The following PDE4A variants were observed in gnomAD, a reference collection of about 807,000 sequenced individuals.
PDE4A encodes the protein phosphodiesterase 4A.
In PDE4A, 21 loss-of-function variants were observed where a neutral mutation model predicts 73.9. That is an observed-to-expected ratio of 0.28 (90% confidence interval 0.20 to 0.41). PDE4A has a LOEUF of 0.41. Ranked by LOEUF, PDE4A falls within the 10% of genes least tolerant of loss-of-function variation. PDE4A has a pLI of 1.00. For synonymous variants in PDE4A, 463 were observed against 505.4 expected, an observed-to-expected ratio of 0.92 and a Z score of 1.13; for missense variants, 958 against 1,211.4, an observed-to-expected ratio of 0.79 and a Z score of 3.10.
rs1355743575 is a variant in PDE4A at position 10,457,862 on chromosome 19, C to T, written c.878-17C>T. 6.2e-7 allele frequency: 1 copy of T among 1,611,928 alleles called. No individual in the cohort carries two copies. ...GAAGGGTTGTTCACACTTGTTCCTG[C>T]TCCCCATCTTCTGCAGACAAACAGA... On this transcript the variant is annotated splice_polypyrimidine_tract_variant and intron_variant, in intron 7 of 14. Coordinates refer to ENST00000380702, the MANE Select transcript of PDE4A (RefSeq NM_001111307.2).
At chr19:10,438,296 A>G (rs375524292) in intron 1 of PDE4A, among the ~76,000 whole-genome samples, 46 of 151,898 alleles carry the variant, frequency 3.0e-4, no homozygotes, top group African/African-American at 8.7e-4. Flanking sequence ...TATTTTTATT[A>G]GAGACGGGGT....
Position 10,467,437 on chromosome 19 carries a change from C to T in PDE4A, c.2477C>T (p.Thr826Ile). The T allele has an allele frequency of 6.2e-7, 1 of 1,613,716 alleles. No individual in the cohort carries two copies. Among genetic ancestry groups the T allele is most frequent in the South Asian group, 1.1e-5 (1 of 91,070 alleles). Residue 826 changes from threonine (T) to isoleucine (I), a missense_variant, in exon 15 of 15, where the codon ACC becomes ATC. Physicochemically the swap from Thr to Ile is moderately conservative, Grantham distance 89. Around this residue, in one of 3 missense-constraint regions of PDE4A, gnomAD observed 243 missense variants for 245.9 expected, o/e 0.99. Transcript: ENST00000380702. ...LQSPLLPAWR[T>I]LSVSEHAPGL... ...AGCCCCCTTCTCCCTGCTTGGAGGA[C>T]CCTGTCTGTTTCAGAGCATGCCCCG...
At position 10,461,108 on chromosome 19, in the gene PDE4A, G is replaced by A; in HGVS notation, c.1465+5G>A. The A allele has an allele frequency of 1.2e-6, 2 of 1,607,952 alleles. No homozygotes were observed. Among genetic ancestry groups the A allele is most frequent in the Non-Finnish European group, 1.7e-6 (2 of 1,175,178 alleles). On this transcript the variant is annotated splice_donor_5th_base_variant and intron_variant, in intron 11 of 14. Transcript: ENST00000380702. ...ACCAGTTCCTCATCAACACCAGTGA[G>A]TGGCCCTCGCCAGGGGCGGGGTTTG...
intron 1 of PDE4A, among the ~76,000 whole-genome samples, chr19:10,433,607 G>A (rs2042823753): frequency 6.6e-6 from 1 of 152,168 alleles, no homozygotes; most frequent in South Asian, 2.1e-4. Context: ...ACAGGCAGAT[G>A]TGCGATGCCA....
At chr19:10,417,956 A>G, upstream of PDE4A, 1 of 1,401,724 alleles carries the variant, frequency 7.1e-7, no homozygotes, top group Non-Finnish European at 9.6e-7. Flanking sequence ...CCCGATCTCC[A>G]TGCTCCCTGC....
intron 1 of PDE4A, among the ~76,000 whole-genome samples, chr19:10,433,941 A>G (rs542489696): frequency 6.6e-6 from 1 of 151,656 alleles, no homozygotes; most frequent in South Asian, 2.1e-4. Flanking sequence ...GTTCAAATCC[A>G]CATTCTAGGC....
At chr19:10,416,991 G>A, upstream of PDE4A, 1 of 1,539,742 alleles carries the variant, frequency 6.5e-7, no homozygotes, top group Non-Finnish European at 8.7e-7. Flanking sequence ...CGGGGACGAG[G>A]TGCGAGAGGA....
At chr19:10,446,077 A>ATTCACCCCC (rs779984307) in intron 1 of PDE4A, 141 bp from the exon 2 acceptor site, 74 of 1,300,422 alleles carry the variant, frequency 5.7e-5, no homozygotes, top group Non-Finnish European at 6.6e-5. Flanking sequence ...ACCTCAAGTG[A>ATTCACCCCC]TTCACCCCCA....
In PDE4A at chr19:10,461,512, G is replaced by A. The variant is rs769578488; in HGVS notation, c.1466-14G>A. ...ACACGTGGGCCCTCCCCTGACCTCC[G>A]GGCTGGGCTGCAGATTCGGAGCTGG... On this transcript the variant is annotated splice_polypyrimidine_tract_variant and intron_variant, in intron 11 of 14. Coordinates refer to ENST00000380702, the MANE Select transcript of PDE4A (RefSeq NM_001111307.2). The A allele has an allele frequency of 1.2e-6, 2 of 1,613,142 alleles. No individual in the cohort carries two copies. Among genetic ancestry groups the A allele is most frequent in the South Asian group, 1.1e-5 (1 of 91,048 alleles).
rs1425590017 is a variant in PDE4A at position 10,424,671 on chromosome 19, G to C, written c.320+3587G>C. ...CCGGCTGACCGCAGGCTGCGTGTGG[G>C]GTCCTCGCCCTCCCGGGCTTGGGAC... On this transcript the variant is annotated intron_variant, in intron 1 of 14. Transcript: ENST00000380702. This position sits in a 1 kb window ranked among gnomAD's most constrained non-coding sequence, Gnocchi z 4.8. Among the ~76,000 whole-genome samples, 1 of 152,258 alleles carries C rather than the reference G, an allele frequency of 6.6e-6. No homozygotes were observed. The highest frequency in any genetic ancestry group is 2.4e-5 in the African/African-American group (1 of 41,466).
At chr19:10,462,078 T>G (rs2043282815) in intron 13 of PDE4A, 79 bp downstream of exon 13, 2 of 1,148,766 alleles carry the variant, frequency 1.7e-6, no homozygotes, top group African/African-American at 1.6e-5. Flanking sequence ...TAACTGCCCC[T>G]TCCTCAGCCT....
At chr19:10,438,006 G>A (rs2042887824) in intron 1 of PDE4A, among the ~76,000 whole-genome samples, 1 of 151,512 alleles carries the variant, frequency 6.6e-6, no homozygotes, top group South Asian at 2.1e-4. Context: ...ATAGGGCCTT[G>A]CCATGTTTCC....
At chr19:10,461,246 GA>G in intron 11 of PDE4A, 143 bp downstream of exon 11, 1 of 1,052,674 alleles carries the variant, frequency 9.5e-7, no homozygotes, top group Non-Finnish European at 1.3e-6. Context: ...GGCCGGGCAG[GA>G]GGCGGGGCTG....
At chr19:10,460,562 C>T (rs758465125) in intron 10 of PDE4A, among the ~76,000 whole-genome samples, 2 of 151,664 alleles carry the variant, frequency 1.3e-5, no homozygotes, top group African/African-American at 2.4e-5. Context: ...AATCCCAGTA[C>T]TTTGGGAGGC....
At chr19:10,417,353 G>C (rs533017006), upstream of PDE4A, 12 of 985,304 alleles carry the variant, frequency 1.2e-5, no homozygotes, top group Admixed American at 4.9e-4. Context: ...GTTGGGAAGA[G>C]ACCCTAAAAA....
upstream of PDE4A, chr19:10,417,420 C>T (rs1156629432): frequency 1.0e-6 from 1 of 985,010 alleles, no homozygotes. Context: ...GTGACAGACC[C>T]CAAGGCTGGG....
intron 1 of PDE4A, among the ~76,000 whole-genome samples, chr19:10,443,369 A>AC (rs1335078414): frequency 4.0e-5 from 6 of 149,086 alleles, no homozygotes. Context: ...ACATGGCGAG[A>AC]CCCCATCTCT....
intron 6 of PDE4A, chr19:10,452,804 C>T: frequency 4.8e-6 from 1 of 206,384 alleles, no homozygotes; most frequent in Non-Finnish European, 8.7e-6. Flanking sequence ...GGGATGGGTC[C>T]TGATGGGGAC....
chr19:10,465,377 C>T (rs533338193), intron 14 of PDE4A, among the ~76,000 whole-genome samples: 9 of 151,840 alleles, frequency 5.9e-5, no homozygotes, highest in Non-Finnish European at 1.3e-4. Context: ...TGCGCCACCA[C>T]GCCCAGCTAA....
Sources: allele counts gnomAD v4.1 joint callset (sites outside exome capture counted in the v4.1 genomes callset), GRCh38; gene constraint gnomAD v4.1.1; regional missense constraint gnomAD v4.1.1; non-coding constraint Gnocchi (gnomAD v3.1); transcripts MANE v1.5; gene names NCBI Gene and HGNC (gene_info 2026-07-23, HGNC 2026-07-21).